Variants in DOCK4 observed in about 807,000 individuals in gnomAD.
The protein encoded by DOCK4 is dedicator of cytokinesis 4.
DOCK4 carries 97 observed loss-of-function variants against 268.1 expected under a neutral mutation model. The observed-to-expected ratio is 0.36, with a 90% CI of 0.31 to 0.43. The LOEUF is 0.43. DOCK4 is among the 20% of genes least tolerant of loss of function. DOCK4 has a pLI of 1.00. For missense variants in DOCK4, 2,145 were observed against 2,455.7 expected (o/e 0.87, Z 2.67); for synonymous variants, 954 against 887.2 (o/e 1.08, Z -1.34).
At chr7:112,206,073 G>C (rs1343085295) in intron 1 of DOCK4, 29 bp downstream of exon 1, 1 of 1,566,704 alleles carries the variant, frequency 6.4e-7, no homozygotes, top group Admixed American at 1.9e-5. Context: ...GGCCAGAGCA[G>C]AATAAAAGTT....
intron 27 of DOCK4, 23 bp from the exon 28 acceptor site, chr7:111,811,972 G>A: frequency 2.3e-6 from 3 of 1,321,728 alleles, no homozygotes; most frequent in Admixed American, 2.5e-5. Context: ...AAAATGACAA[G>A]GTGAAAACTT....
At chr7:112,130,559 T>C in intron 1 of DOCK4, among the ~76,000 whole-genome samples, 1 of 152,330 alleles carries the variant, frequency 6.6e-6, no homozygotes, top group Middle Eastern at 3.4e-3. Context: ...CAAGTAAAAT[T>C]AAGCTAGTGA....
At chr7:111,934,241 A>C (rs1794501688) in intron 12 of DOCK4, among the ~76,000 whole-genome samples, 2 of 152,220 alleles carry the variant, frequency 1.3e-5, no homozygotes, top group African/African-American at 4.8e-5. Context: ...CTACTGACCA[A>C]ACCTAAAGAT....
At chr7:111,898,078 A>G (rs1808914000) in intron 15 of DOCK4, among the ~76,000 whole-genome samples, 1 of 152,216 alleles carries the variant, frequency 6.6e-6, no homozygotes, top group African/African-American at 2.4e-5. Context: ...ATAATCTATT[A>G]TCCCATACAG....
intron 1 of DOCK4, among the ~76,000 whole-genome samples, chr7:112,176,091 A>G (rs1818483321): frequency 1.3e-5 from 2 of 152,212 alleles, no homozygotes. Flanking sequence ...TCATCAACCA[A>G]CACCATTATT....
intron 23 of DOCK4, among the ~76,000 whole-genome samples, chr7:111,862,602 C>T (rs941132074): frequency 4.7e-5 from 7 of 149,998 alleles, no homozygotes; most frequent in Admixed American, 3.3e-4. Context: ...GCAACTCTCC[C>T]GCCTCAGCCT....
At chr7:112,137,228 AG>A (rs1814444606) in intron 1 of DOCK4, among the ~76,000 whole-genome samples, 1 of 152,210 alleles carries the variant, frequency 6.6e-6, no homozygotes, top group Non-Finnish European at 1.5e-5. Context: ...GAAGGATTCT[AG>A]AAGATAATTT....
chr7:112,131,857 T>C (rs540419052), intron 1 of DOCK4, among the ~76,000 whole-genome samples: 1 of 152,152 alleles, frequency 6.6e-6, no homozygotes, highest in African/African-American at 2.4e-5. Context: ...AACTGAACTA[T>C]TGGTATGGGG....
At chr7:111,742,560 C>G (rs1795989644) in intron 44 of DOCK4, among the ~76,000 whole-genome samples, 1 of 152,168 alleles carries the variant, frequency 6.6e-6, no homozygotes, top group Admixed American at 6.5e-5. Context: ...ACCCTCTCCC[C>G]CCACATTTCC....
At chr7:111,739,310 G>A in intron 48 of DOCK4, 67 bp from the exon 49 acceptor site, 1 of 1,592,648 alleles carries the variant, frequency 6.3e-7, no homozygotes, top group East Asian at 2.2e-5. Context: ...GGAGGCGAGA[G>A]CCTGAACGTG....
intron 1 of DOCK4, among the ~76,000 whole-genome samples, chr7:112,057,621 A>T (rs901444381): frequency 4.6e-5 from 7 of 151,926 alleles, no homozygotes; most frequent in Non-Finnish European, 1.0e-4. Context: ...AAAAAAATTT[A>T]AAAACTAGCT....
intron 1 of DOCK4, among the ~76,000 whole-genome samples, chr7:112,040,280 C>T (rs944097516): frequency 6.6e-6 from 1 of 152,122 alleles, no homozygotes; most frequent in Admixed American, 6.5e-5. Context: ...TTAAGTGATA[C>T]AGGGGAAATT....
intron 1 of DOCK4, among the ~76,000 whole-genome samples, chr7:112,094,974 G>A (rs1809979130): frequency 6.6e-6 from 1 of 152,190 alleles, no homozygotes; most frequent in African/African-American, 2.4e-5. Context: ...ACTGCCTGCA[G>A]AATCATGAGC....
At chr7:111,943,852 C>G (rs1562920901) in intron 10 of DOCK4, among the ~76,000 whole-genome samples, 1 of 152,186 alleles carries the variant, frequency 6.6e-6, no homozygotes, top group Non-Finnish European at 1.5e-5. Context: ...TTTTTATAGT[C>G]TCACTCAATG....
intron 1 of DOCK4, among the ~76,000 whole-genome samples, chr7:112,084,138 A>G (rs1808844288): frequency 6.6e-6 from 1 of 152,188 alleles, no homozygotes; most frequent in Admixed American, 6.5e-5. Context: ...AGCATGAAGT[A>G]GAGTCATGCC....
At chr7:111,800,880 T>C (rs1800227527) in intron 30 of DOCK4, among the ~76,000 whole-genome samples, 1 of 152,058 alleles carries the variant, frequency 6.6e-6, no homozygotes, top group Non-Finnish European at 1.5e-5. Flanking sequence ...TTACGTCTCT[T>C]TAAAGGGGGA....
At chr7:111,826,153 C>T (rs1404584914) in intron 26 of DOCK4, among the ~76,000 whole-genome samples, 8 of 152,084 alleles carry the variant, frequency 5.3e-5, no homozygotes, top group Non-Finnish European at 1.2e-4. Context: ...TACATGTATG[C>T]TTTGAAAATG....
At chr7:111,890,762 C>G (rs925001339) in intron 16 of DOCK4, among the ~76,000 whole-genome samples, 9 of 152,218 alleles carry the variant, frequency 5.9e-5, no homozygotes, top group Non-Finnish European at 1.0e-4. Context: ...AAATTTAAGG[C>G]CTAAATTAGG....
At chr7:112,147,295 A>T (rs1016428926) in intron 1 of DOCK4, among the ~76,000 whole-genome samples, 4 of 152,162 alleles carry the variant, frequency 2.6e-5, no homozygotes, top group African/African-American at 9.7e-5. Context: ...TGGCAAGTAA[A>T]ATATGTTTTG....
Sources: gnomAD v4.1 joint callset for allele counts (sites outside exome capture counted in the v4.1 genomes callset) on GRCh38, gnomAD v4.1.1 for gene constraint, MANE v1.5 for transcripts, NCBI Gene and HGNC (gene_info 2026-07-23, HGNC 2026-07-21) for gene names.